The following UBR2 variants were observed in gnomAD, a reference collection of about 807,000 sequenced individuals.
UBR2 encodes the protein E3 ubiquitin-protein ligase UBR2.
UBR2 carries 92 observed loss-of-function variants against 247.9 expected under a neutral mutation model. The ratio of observed to expected loss-of-function variants is 0.37; its 90% CI spans 0.31 to 0.44. The LOEUF is 0.44. Among genes scored for constraint, UBR2 ranks in the 20% least tolerant of loss-of-function variants. UBR2 has a pLI of 1.00. For missense variants in UBR2, 1,613 were observed against 2,112.6 expected (o/e 0.76, Z 4.64); for synonymous variants, 672 against 693.5 (o/e 0.97, Z 0.49).
In UBR2 at chr6:42,655,665, T is replaced by G. The variant is rs1233518985; in HGVS notation, c.2814T>G (p.His938Gln). 6 of 1,560,680 alleles carry G rather than the reference T, an allele frequency of 3.8e-6. No individual in the cohort carries two copies. Among genetic ancestry groups the G allele is most frequent in the Non-Finnish European group, 5.2e-6 (6 of 1,163,604 alleles). ...TGGCACTACAAGAAGAAAAACAACA[T>G]TTAGAGAATGTCACGGAAGAGCATG... The part of the protein sequence containing the change: ...IGMALQEEKQ[H>Q]LENVTEEHVV... The change falls in exon 26 of 47, where the codon CAT becomes CAG. Residue 938 changes from histidine (H) to glutamine (Q), a missense_variant. Physicochemically the swap from His to Gln is conservative, Grantham distance 24. Transcript: ENST00000372901.
intron 31 of UBR2, among the ~76,000 whole-genome samples, chr6:42,662,986 A>C (rs1463996154): frequency 6.6e-6 from 1 of 151,796 alleles, no homozygotes; most frequent in Non-Finnish European, 1.5e-5. Context: ...GCCTTGGGGA[A>C]GTGGCAAGAG....
At chr6:42,685,054 C>G (rs566728212) in intron 44 of UBR2, among the ~76,000 whole-genome samples, 183 bp downstream of exon 44, 2 of 152,278 alleles carry the variant, frequency 1.3e-5, no homozygotes, top group South Asian at 4.1e-4. Flanking sequence ...TGGCTCACGC[C>G]TGTAATCCCA....
At chr6:42,609,820 G>A (rs1413124428) in intron 7 of UBR2, among the ~76,000 whole-genome samples, 4 of 150,814 alleles carry the variant, frequency 2.7e-5, no homozygotes, top group South Asian at 2.1e-4. Context: ...GCTTGAGCCC[G>A]GGAGGTTGAG....
At chr6:42,644,381 A>T in intron 19 of UBR2, 45 bp downstream of exon 19, 4 of 1,606,748 alleles carry the variant, frequency 2.5e-6, no homozygotes, top group Non-Finnish European at 3.4e-6. Context: ...CTAAAGAAGC[A>T]TCTTTCCTTC....
intron 11 of UBR2, among the ~76,000 whole-genome samples, chr6:42,626,689 A>G (rs1472312632): frequency 6.6e-6 from 1 of 152,104 alleles, no homozygotes; most frequent in Non-Finnish European, 1.5e-5. Context: ...GGGGTTCTCA[A>G]TCGAGAGCCT....
intron 11 of UBR2, 67 bp from the exon 12 acceptor site, chr6:42,632,485 C>T: frequency 7.4e-7 from 1 of 1,356,752 alleles, no homozygotes; most frequent in Non-Finnish European, 9.7e-7. Flanking sequence ...ATGTTGGTGA[C>T]TTTTTTTTTA....
Position 42,668,329 on chromosome 6 carries a change from T to A in UBR2, c.3882-1763T>A, listed in dbSNP as rs141856211. Among the ~76,000 whole-genome samples the A allele has an allele frequency of 2.0e-5, 3 of 152,378 alleles. No homozygotes were observed. In the East Asian group the frequency reaches 5.8e-4, roughly 29 times the overall value. On this transcript the variant is annotated intron_variant, in intron 34 of 46. Coordinates refer to ENST00000372901, the MANE Select transcript of UBR2 (RefSeq NM_001363705.2). ...TTATTCATATGCTCAATTGATAGTTTGGGTGTAGAATTCTAGGGTAGAAGT... is the reference window on the plus strand; with the variant it reads ...TTATTCATATGCTCAATTGATAGTTAGGGTGTAGAATTCTAGGGTAGAAGT...
chr6:42,644,091 C>A, intron 18 of UBR2, 123 bp from the exon 19 acceptor site: 1 of 960,290 alleles, frequency 1.0e-6, no homozygotes, highest in Non-Finnish European at 1.5e-6. Flanking sequence ...ATTGGTGAAC[C>A]TTTTAGGATT....
rs936756849 is a variant in UBR2 at position 42,689,016 on chromosome 6, A to G, written c.5025-553A>G. ...TCAGGGAAGGCTTCCTAAGAACATG[A>G]CTTCTGAGTAAAGACCTAAAGAAGT... On this transcript the variant is annotated intron_variant, in intron 45 of 46. Transcript: ENST00000372901. The surrounding 1 kb of genome is among the most constrained non-coding windows in gnomAD (Gnocchi z 4.0). Among the ~76,000 whole-genome samples, 3 of 152,212 alleles carry G rather than the reference A, an allele frequency of 2.0e-5. No homozygotes were observed. The highest frequency in any genetic ancestry group is 2.9e-5 in the Non-Finnish European group (2 of 68,046).
intron 14 of UBR2, 110 bp from the exon 15 acceptor site, chr6:42,636,900 GT>G: frequency 8.3e-7 from 1 of 1,204,570 alleles, no homozygotes; most frequent in Non-Finnish European, 1.1e-6. Context: ...ATTGAGTTTG[GT>G]TTTGCCTATA....
At position 42,670,100 on chromosome 6, in the gene UBR2, A is replaced by G; in HGVS notation, c.3890A>G (p.Tyr1297Cys). 1 of 1,614,064 alleles carries G rather than the reference A, an allele frequency of 6.2e-7. No individual in the cohort carries two copies. Among genetic ancestry groups the G allele is most frequent in the Non-Finnish European group, 8.5e-7 (1 of 1,179,938 alleles). Residue 1297 changes from tyrosine to cysteine, a missense_variant, in exon 35 of 47, where the codon TAT becomes TGT. Tyr to Cys is a radical substitution (Grantham distance 194). Coordinates refer to ENST00000372901, the MANE Select transcript of UBR2 (RefSeq NM_001363705.2). Reference sequence around the variant, plus strand: ...ATACATGTTTACTTCAGGATCCCTTATTCTGAGAGCATAAAAGAAATGCTA... The same window carrying G: ...ATACATGTTTACTTCAGGATCCCTTGTTCTGAGAGCATAAAAGAAATGCTA... ...FRPDFRPKIP[Y>C]SESIKEMLTT...
chr6:42,667,033 A>G (rs1168408014), intron 34 of UBR2, among the ~76,000 whole-genome samples: 1 of 152,288 alleles, frequency 6.6e-6, no homozygotes, highest in Middle Eastern at 3.4e-3. Context: ...AAGTAACTCA[A>G]TAAATACAGA....
At chr6:42,572,618 C>T (rs569175015) in intron 1 of UBR2, among the ~76,000 whole-genome samples, 1 of 151,814 alleles carries the variant, frequency 6.6e-6, no homozygotes, top group Admixed American at 6.6e-5. Context: ...AGCATAGTAC[C>T]CAATAGGTAG....
intron 33 of UBR2, among the ~76,000 whole-genome samples, chr6:42,665,805 T>C (rs1280634977): frequency 6.6e-6 from 1 of 152,162 alleles, no homozygotes; most frequent in Non-Finnish European, 1.5e-5. Context: ...GCTTTAGTTC[T>C]CGGTGGGCTA....
chr6:42,641,695 A>G lies in UBR2; in HGVS notation c.2031+3A>G. ...ATGGGTTCTCTCTAGTAAACCAGGTAAGTGTTTTCTAATTCTATGAAGAGT... is the reference window on the plus strand; with the variant it reads ...ATGGGTTCTCTCTAGTAAACCAGGTGAGTGTTTTCTAATTCTATGAAGAGT... On this transcript the variant is annotated splice_donor_region_variant and intron_variant, in intron 17 of 46. Transcript: ENST00000372901. 1 of 1,603,460 alleles carries G rather than the reference A, an allele frequency of 6.2e-7. No homozygotes were observed. The highest frequency in any genetic ancestry group is 2.3e-5 in the East Asian group (1 of 44,260).
chr6:42,640,953 TC>T (rs962995577), intron 16 of UBR2, among the ~76,000 whole-genome samples: 2 of 151,960 alleles, frequency 1.3e-5, no homozygotes, highest in Non-Finnish European at 2.9e-5. Context: ...GGTCTGGAAC[TC>T]GTGATCTCAG....
intron 10 of UBR2, among the ~76,000 whole-genome samples, chr6:42,616,738 G>T (rs530590870): frequency 1.2e-4 from 18 of 150,386 alleles, no homozygotes; most frequent in Middle Eastern, 6.9e-3. Flanking sequence ...TTATTTTTTT[G>T]CATTCACCTG....
chr6:42,618,922 A>G (rs1794725717), intron 11 of UBR2, among the ~76,000 whole-genome samples: 1 of 152,200 alleles, frequency 6.6e-6, no homozygotes, highest in Non-Finnish European at 1.5e-5. Flanking sequence ...GCAGCTGAGT[A>G]GATGCTGTGC....
At chr6:42,623,123 GT>G (rs1795104867) in intron 11 of UBR2, among the ~76,000 whole-genome samples, 2 of 152,160 alleles carry the variant, frequency 1.3e-5, no homozygotes. Flanking sequence ...TTAAATACAA[GT>G]GGTAGATAAA....
Sources: allele counts gnomAD v4.1 joint callset (sites outside exome capture counted in the v4.1 genomes callset), GRCh38; gene constraint gnomAD v4.1.1; non-coding constraint Gnocchi (gnomAD v3.1); transcripts MANE v1.5; gene names NCBI Gene and HGNC (gene_info 2026-07-23, HGNC 2026-07-21).